Variants in PRTG observed in about 807,000 individuals in gnomAD.
The protein encoded by PRTG is protogenin, also known as immunoglobulin superfamily, DCC subclass, member 5.
A neutral mutation model predicts 122.5 loss-of-function variants in PRTG; 67 were observed. The ratio of observed to expected loss-of-function variants is 0.55; its 90% CI spans 0.45 to 0.67. The LOEUF is 0.67. Among genes scored for constraint, PRTG ranks in the 30% least tolerant of loss-of-function variants. The pLI, the probability that PRTG is intolerant of heterozygous loss-of-function variation, is 0.00. For missense variants in PRTG, 1,435 were observed against 1,415.4 expected, an observed-to-expected ratio of 1.01 and a Z score of -0.22; for synonymous variants, 554 against 501.1, an observed-to-expected ratio of 1.11 and a Z score of -1.41.
At chr15:55,681,446 T>C (rs2059537355) in intron 4 of PRTG, 1 of 152,064 alleles carries the variant, frequency 6.6e-6, no homozygotes, top group African/African-American at 2.4e-5. Context: ...ATAAAAACTA[T>C]CATCTATTGC....
At chr15:55,736,696 A>C (rs1476296735) in intron 2 of PRTG, among the ~76,000 whole-genome samples, 1 of 152,206 alleles carries the variant, frequency 6.6e-6, no homozygotes, top group Admixed American at 6.5e-5. Flanking sequence ...TCATAAAGTT[A>C]CAATAATTCC....
chr15:55,738,071 A>AAT (rs60260369), intron 2 of PRTG: 15,791 of 105,320 alleles, frequency 0.15, 1,574 homozygotes, highest in African/African-American at 0.19. Context: ...TCTTCCTGTA[A>AAT]ATATATATAT....
At chr15:55,687,677 C>T (rs543315252) in intron 2 of PRTG, among the ~76,000 whole-genome samples, 1 of 152,274 alleles carries the variant, frequency 6.6e-6, no homozygotes, top group African/African-American at 2.4e-5. Context: ...CCCTTGAAAA[C>T]TCTGGTTTTC....
At chr15:55,700,277 A>T (rs1255446591) in intron 2 of PRTG, among the ~76,000 whole-genome samples, 2 of 152,112 alleles carry the variant, frequency 1.3e-5, no homozygotes, top group East Asian at 3.8e-4. Context: ...TCTTTAAATA[A>T]TTAATCTTGA....
rs535306443 is a variant in PRTG, at chr15:55,711,023, C to A, written c.398-27092G>T. ...CTGGGTTCCAGTGATTCTCCTGCCT[C>A]AGCTTCACGAGTAGCTGGGATTACA... is the stretch of plus-strand genomic sequence containing the variant. On this transcript the variant is annotated intron_variant, in intron 2 of 19. Coordinates refer to ENST00000389286, the MANE Select transcript of PRTG (RefSeq NM_173814.6). Among the ~76,000 whole-genome samples the A allele has an allele frequency of 7.2e-5, 11 of 151,936 alleles. No individual in the cohort carries two copies. The South Asian group carries it at 2.3e-3, about 32-fold the overall frequency.
At chr15:55,714,230 T>TCTCTCTCC (rs2030511692) in intron 2 of PRTG, among the ~76,000 whole-genome samples, 3 of 151,796 alleles carry the variant, frequency 2.0e-5, no homozygotes, top group Admixed American at 1.3e-4. Flanking sequence ...TCTCTCTCTC[T>TCTCTCTCC]CTCAATCTTT....
intron 2 of PRTG, among the ~76,000 whole-genome samples, chr15:55,734,240 G>A (rs2031336396): frequency 6.6e-6 from 1 of 152,142 alleles, no homozygotes; most frequent in African/African-American, 2.4e-5. Flanking sequence ...AATATTAGTA[G>A]AATGGAAGAT....
intron 11 of PRTG, among the ~76,000 whole-genome samples, chr15:55,665,415 A>C (rs947104866): frequency 6.6e-6 from 1 of 152,146 alleles, no homozygotes; most frequent in East Asian, 1.9e-4. Context: ...TTGAGAAGCA[A>C]GAACTATACA....
At chr15:55,729,970 C>T (rs1474271567) in intron 2 of PRTG, among the ~76,000 whole-genome samples, 1 of 152,166 alleles carries the variant, frequency 6.6e-6, no homozygotes, top group African/African-American at 2.4e-5. Flanking sequence ...AATAGAAATG[C>T]ATTAGCAATT....
intron 2 of PRTG, among the ~76,000 whole-genome samples, chr15:55,708,257 A>T (rs2030230284): frequency 6.6e-6 from 1 of 152,076 alleles, no homozygotes; most frequent in Non-Finnish European, 1.5e-5. Flanking sequence ...ACATCACAAG[A>T]AGAAATGAAG....
intron 15 of PRTG, 149 bp downstream of exon 15, chr15:55,637,021 C>T (rs2059261242): frequency 5.3e-6 from 3 of 563,284 alleles, no homozygotes; most frequent in Non-Finnish European, 5.7e-6. Flanking sequence ...TGGATGGCTT[C>T]CCGATGCCCT....
intron 2 of PRTG, among the ~76,000 whole-genome samples, chr15:55,728,830 C>T (rs1308702536): frequency 6.6e-6 from 1 of 152,068 alleles, no homozygotes; most frequent in Non-Finnish European, 1.5e-5. Flanking sequence ...ATTATATGAT[C>T]CTATTTACAG....
At chr15:55,649,039 G>T (rs1311928231) in intron 11 of PRTG, among the ~76,000 whole-genome samples, 1 of 150,882 alleles carries the variant, frequency 6.6e-6, no homozygotes, top group Non-Finnish European at 1.5e-5. Flanking sequence ...GGAGGTTGCA[G>T]AGACCCGAGA....
At chr15:55,677,252 T>A (rs948746253) in intron 8 of PRTG, among the ~76,000 whole-genome samples, 1 of 152,202 alleles carries the variant, frequency 6.6e-6, no homozygotes, top group East Asian at 1.9e-4. Context: ...TATGATGAGA[T>A]AGCAGTAAAG....
chr15:55,709,273 C>A (rs1033051747), intron 2 of PRTG, among the ~76,000 whole-genome samples: 1 of 146,002 alleles, frequency 6.8e-6, no homozygotes, highest in Admixed American at 6.9e-5. Flanking sequence ...TGATAATGAC[C>A]CACTAGTACT....
rs187934400 is a variant in PRTG, at chr15:55,706,060, C to G, written c.398-22129G>C. 2.8e-4 allele frequency among the ~76,000 whole-genome samples: 36 copies of G among 126,330 alleles called. 1 individual carries two copies. In the East Asian group the frequency reaches 7.1e-3, roughly 25 times the overall value. 82.9% of individuals were successfully genotyped at this position (126,330 alleles called of 152,430 possible). The stretch of plus-strand genomic sequence containing the variant: ...TATTTTTAGTAGAGACGGGATTTCA[C>G]CATGTTAGCCAGGCTGGTCTCAATC... On this transcript the variant is annotated intron_variant, in intron 2 of 19. Transcript: ENST00000389286.
chr15:55,710,906 G>A (rs1036300277), intron 2 of PRTG, among the ~76,000 whole-genome samples: 2 of 151,500 alleles, frequency 1.3e-5, no homozygotes, highest in East Asian at 1.9e-4. Context: ...GTGGTTTTTT[G>A]ATTTTTTTTG....
At chr15:55,733,891 A>G (rs1460993603) in intron 2 of PRTG, among the ~76,000 whole-genome samples, 1 of 152,230 alleles carries the variant, frequency 6.6e-6, no homozygotes, top group Non-Finnish European at 1.5e-5. Flanking sequence ...GAATACATTT[A>G]GCACTGCTAC....
Position 55,635,074 on chromosome 15 carries a change from G to GTGTGTGTGTGTGTGTGTGT in PRTG, c.2623+2095_2623+2096insACACACACACACACACACA, listed in dbSNP as rs1567076962. ...GGGGAGCCCTCTGTTGTTGGTTCTG[G>GTGTGTGTGTGTGTGTGTGT]GTGTGTGTGTGTGTGTGTGTGTGTG... On this transcript the variant is annotated intron_variant, in intron 15 of 19. Transcript: ENST00000389286. 5.1e-3 allele frequency among the ~76,000 whole-genome samples: 686 copies of GTGTGTGTGTGTGTGTGTGT among 135,386 alleles called. 12 individuals carry two copies. Among genetic ancestry groups the GTGTGTGTGTGTGTGTGTGT allele is most frequent in the East Asian group, 0.015 (74 of 4,858 alleles). The allele number at this position is 135,386 out of a possible 152,430, so 88.8% of individuals were successfully genotyped here.
Sources: allele counts gnomAD v4.1 joint callset (sites outside exome capture counted in the v4.1 genomes callset), GRCh38; gene constraint gnomAD v4.1.1; transcripts MANE v1.5; gene names NCBI Gene and HGNC (gene_info 2026-07-23, HGNC 2026-07-21).